Variants in NCALD observed in about 807,000 individuals in gnomAD.
NCALD encodes neurocalcin-delta.
NCALD carries 10 observed loss-of-function variants against 18.6 expected under a neutral mutation model. That is an observed-to-expected ratio of 0.54 (90% CI 0.33 to 0.91). The LOEUF is 0.91. Among genes scored for constraint, NCALD ranks in the 40% least tolerant of loss-of-function variants. The probability of loss-of-function intolerance (pLI) is 0.03; values close to 1 mark genes in which losing one functional copy is unlikely to be tolerated. For synonymous variants in NCALD, 88 were observed against 87.4 expected (o/e 1.01, Z -0.04); for missense variants, 184 against 247.6 (o/e 0.74, Z 1.72).
At chr8:101,733,770 G>A (rs1480410339) in intron 1 of NCALD, among the ~76,000 whole-genome samples, 2 of 152,186 alleles carry the variant, frequency 1.3e-5, no homozygotes, top group Non-Finnish European at 2.9e-5. Context: ...TCCTCAGATT[G>A]CTAGCCAGGG....
chr8:101,807,826 G>C (rs1234571644), intron 4 of NCALD, among the ~76,000 whole-genome samples: 1 of 152,018 alleles, frequency 6.6e-6, no homozygotes, highest in Non-Finnish European at 1.5e-5. Context: ...ATTAATAAAA[G>C]CATTTAATTT....
chr8:101,906,577 C>G (rs1469459104), intron 3 of NCALD, among the ~76,000 whole-genome samples: 1 of 152,210 alleles, frequency 6.6e-6, no homozygotes, highest in Non-Finnish European at 1.5e-5. Flanking sequence ...CTGACCCCAG[C>G]CTAAACCAAG....
At chr8:102,075,815 C>T (rs113377122) in intron 1 of NCALD, among the ~76,000 whole-genome samples, 7,823 of 151,818 alleles carry the variant, frequency 0.052, 246 homozygotes, top group South Asian at 0.089. Flanking sequence ...TAGCCAAGCA[C>T]GGGGGTGAGC....
At chr8:101,944,220 G>A (rs1022215113) in intron 2 of NCALD, among the ~76,000 whole-genome samples, 12 of 152,208 alleles carry the variant, frequency 7.9e-5, no homozygotes, top group African/African-American at 1.7e-4. Context: ...TCTTTGTCAC[G>A]GGCAAGTCCA....
At chr8:101,874,924 G>C (rs1279292149) in intron 4 of NCALD, among the ~76,000 whole-genome samples, 3 of 151,898 alleles carry the variant, frequency 2.0e-5, no homozygotes, top group African/African-American at 4.8e-5. Context: ...GAAAGGAGAG[G>C]AATCAATGGA....
At chr8:101,692,117 A>G in intron 3 of NCALD, 4 of 981,322 alleles carry the variant, frequency 4.1e-6, no homozygotes, top group Non-Finnish European at 4.8e-6. Context: ...AAATTCCAGG[A>G]TAATTGGGCC....
At chr8:101,735,019 G>A (rs562330508) in intron 1 of NCALD, among the ~76,000 whole-genome samples, 1 of 152,272 alleles carries the variant, frequency 6.6e-6, no homozygotes, top group Admixed American at 6.5e-5. Context: ...GCCATTGAAG[G>A]AAGGGAAGAA....
intron 1 of NCALD, among the ~76,000 whole-genome samples, chr8:102,072,172 G>A (rs1019315407): frequency 1.3e-5 from 2 of 151,988 alleles, no homozygotes; most frequent in African/African-American, 2.4e-5. Context: ...ATGAAAAGGC[G>A]CTCAATATTG....
intron 1 of NCALD, among the ~76,000 whole-genome samples, chr8:101,743,786 C>T (rs1810312556): frequency 2.0e-5 from 3 of 152,184 alleles, no homozygotes; most frequent in Non-Finnish European, 4.4e-5. Context: ...GAGGATGAGG[C>T]ACACAGCAAA....
intron 2 of NCALD, among the ~76,000 whole-genome samples, chr8:101,708,534 T>C (rs377120833): frequency 6.6e-6 from 1 of 152,238 alleles, no homozygotes; most frequent in African/African-American, 2.4e-5. Context: ...GCAATAATAA[T>C]GGTAGCCAAC....
At chr8:101,759,882 G>C (rs1318491622) in intron 1 of NCALD, among the ~76,000 whole-genome samples, 4 of 152,174 alleles carry the variant, frequency 2.6e-5, no homozygotes, top group African/African-American at 9.7e-5. Context: ...TAGAGGGAGA[G>C]ACTGGGCTGA....
At chr8:101,840,927 A>G (rs772648104) in intron 4 of NCALD, among the ~76,000 whole-genome samples, 1 of 152,216 alleles carries the variant, frequency 6.6e-6, no homozygotes, top group Non-Finnish European at 1.5e-5. Context: ...AACCTACCAA[A>G]GCAAGATTAT....
chr8:101,981,912 T>C (rs1312340531), intron 2 of NCALD, among the ~76,000 whole-genome samples: 2 of 152,216 alleles, frequency 1.3e-5, no homozygotes, highest in East Asian at 1.9e-4. Context: ...TGGGGTCTTC[T>C]GGGTGGTGTT....
chr8:102,044,935 G>A (rs544413268), intron 1 of NCALD, among the ~76,000 whole-genome samples: 1 of 152,254 alleles, frequency 6.6e-6, no homozygotes, highest in South Asian at 2.1e-4. Context: ...GCATTAGTAG[G>A]TGGGAAGTGC....
rs570412025 is a variant in NCALD, at chr8:102,070,597, C to A, written c.-209-50308G>T. 4.6e-5 allele frequency among the ~76,000 whole-genome samples: 7 copies of A among 152,310 alleles called. No homozygotes were observed. The South Asian group carries it at 8.3e-4, about 18-fold the overall frequency. On this transcript the variant is annotated intron_variant, in intron 1 of 6. Coordinates refer to the NCALD transcript ENST00000311028. ...GTTTAAATGTCTAACAGCATATCTG[C>A]AGCTTGCAAAGAAACAATGGAATTA...
At chr8:102,108,543 T>C (rs546395707) in intron 1 of NCALD, among the ~76,000 whole-genome samples, 14 of 152,220 alleles carry the variant, frequency 9.2e-5, no homozygotes, top group Admixed American at 1.3e-4. Flanking sequence ...TCCTCCGTCA[T>C]TGCAACCAAG....
At chr8:101,865,519 A>G (rs1348070981) in intron 4 of NCALD, among the ~76,000 whole-genome samples, 1 of 152,006 alleles carries the variant, frequency 6.6e-6, no homozygotes, top group Non-Finnish European at 1.5e-5. Flanking sequence ...AAACATGAAC[A>G]CTTACATGGT....
intron 4 of NCALD, among the ~76,000 whole-genome samples, chr8:101,801,104 A>G (rs991205905): frequency 6.7e-6 from 1 of 150,352 alleles, no homozygotes; most frequent in Non-Finnish European, 1.5e-5. Flanking sequence ...AGGAAAAAGA[A>G]AGAGAAAGAA....
At chr8:101,691,213 C>T (rs1814715190) in intron 3 of NCALD, 3 of 985,374 alleles carry the variant, frequency 3.0e-6, no homozygotes, top group Non-Finnish European at 3.6e-6. Flanking sequence ...CAGCTGTGAA[C>T]TTACAGCCCC....
Sources: gnomAD v4.1 joint callset for allele counts (sites outside exome capture counted in the v4.1 genomes callset) on GRCh38, gnomAD v4.1.1 for gene constraint, MANE v1.5 for transcripts, NCBI Gene and HGNC (gene_info 2026-07-23, HGNC 2026-07-21) for gene names.